The following PIK3CB variants were observed in gnomAD, a reference collection of about 807,000 sequenced individuals.
PIK3CB encodes phosphatidylinositol 4,5-bisphosphate 3-kinase catalytic subunit beta isoform.
A neutral mutation model predicts 136.8 loss-of-function variants in PIK3CB; 39 were observed. The ratio of observed to expected loss-of-function variants is 0.29; its 90% CI spans 0.22 to 0.37. PIK3CB has a LOEUF of 0.37. Ranked by LOEUF, PIK3CB falls within the 10% of genes least tolerant of loss-of-function variation. PIK3CB has a pLI of 1.00. For synonymous variants in PIK3CB, 428 were observed against 436.6 expected, an observed-to-expected ratio of 0.98 and a Z score of 0.25; for missense variants, 868 against 1,275.4, an observed-to-expected ratio of 0.68 and a Z score of 4.87.
chr3:138,705,178 AAACAAAACAAAC>A lies in PIK3CB; in HGVS notation c.1531-697_1531-686del, dbSNP rs1395269845. Reference sequence around the variant, plus strand: ...GGCAAAAAAAAAAAAAAAAAACAAAAAACAAAACAAACAAAAAAAAAAACTTATATTTGCAAA... The same window carrying A: ...GGCAAAAAAAAAAAAAAAAAACAAAAAAAAAAAAAAACTTATATTTGCAAA... On this transcript the variant is annotated intron_variant, in intron 11 of 23. Coordinates refer to ENST00000674063, the MANE Select transcript of PIK3CB (RefSeq NM_006219.3). Among the ~76,000 whole-genome samples, 198 of 86,720 alleles carry A rather than the reference AAACAAAACAAAC, an allele frequency of 2.3e-3. 35 individuals carry two copies. Among genetic ancestry groups the A allele is most frequent in the East Asian group, 0.014 (23 of 1,656 alleles). The allele number at this position is 86,720 out of a possible 152,430, so 56.9% of individuals were successfully genotyped here.
rs1208508186 is a variant in PIK3CB at position 138,653,571 on chromosome 3, A to G, written c.*1818T>C. On this transcript the variant is annotated 3_prime_UTR_variant, in exon 24 of 24. Coordinates refer to ENST00000674063, the MANE Select transcript of PIK3CB (RefSeq NM_006219.3). ...TCATGAAATGGTGGGTGGCTACTAG[A>G]CAAAGATCTCTGAACAAACCTGTCC... 5.4e-6 allele frequency: 1 copy of G among 184,818 alleles called. No homozygotes were observed. The highest frequency in any genetic ancestry group is 2.3e-5 in the African/African-American group (1 of 42,634). The allele number at this position is 184,818 out of a possible 1,614,324, so 11.4% of individuals were successfully genotyped here.
intron 23 of PIK3CB, among the ~76,000 whole-genome samples, 178 bp from the exon 24 acceptor site, chr3:138,655,704 G>A (rs187920367): frequency 6.6e-6 from 1 of 152,238 alleles, no homozygotes; most frequent in East Asian, 1.9e-4. Context: ...GAGATAATAT[G>A]ACTTCTTCCA....
chr3:138,701,511 G>A (rs2044251852), intron 12 of PIK3CB, among the ~76,000 whole-genome samples: 2 of 152,104 alleles, frequency 1.3e-5, no homozygotes, highest in Admixed American at 1.3e-4. Context: ...ATGTGGCCGG[G>A]CGTGGTGGCT....
At chr3:138,691,676 G>GAA (rs1222892570) in intron 14 of PIK3CB, among the ~76,000 whole-genome samples, 1 of 152,164 alleles carries the variant, frequency 6.6e-6, no homozygotes, top group East Asian at 1.9e-4. Flanking sequence ...TAGCCATGTG[G>GAA]AACTGTGAGT....
In PIK3CB at chr3:138,672,090, T is replaced by TG. The variant is rs539336029; in HGVS notation, c.2505-6888dup. Among the ~76,000 whole-genome samples, 98 of 151,554 alleles carry TG rather than the reference T, an allele frequency of 6.5e-4. 2 individuals carry two copies. In the South Asian group the frequency reaches 0.01, roughly 16 times the overall value. On this transcript the variant is annotated intron_variant, in intron 19 of 23. Transcript: ENST00000674063. ...AAAAGGAGAAAAAGGAGAAAAAAAG[T>TG]GGGGGGGTTCTATAAATTAACGAAC...
At chr3:138,825,976 T>C (rs938595854) in intron 1 of PIK3CB, 2 of 1,555,036 alleles carry the variant, frequency 1.3e-6, no homozygotes, top group Admixed American at 1.9e-5. Flanking sequence ...CTCAAGTGAT[T>C]ATCCTGAACC....
chr3:138,764,111 CAAAA>C (rs143635044), intron 2 of PIK3CB, among the ~76,000 whole-genome samples: 1 of 78,996 alleles, frequency 1.3e-5, no homozygotes, highest in African/African-American at 4.6e-5. Context: ...ACTCCATCTC[CAAAA>C]AAAAAAAAAA....
At position 138,654,798 on chromosome 3, in the gene PIK3CB, A is replaced by G. The variant is rs2043164857; in HGVS notation, c.*591T>C. Reference sequence around the variant, plus strand: ...TTGCCTCACCAGTAGATTTTCAGCAAGTCTGGCTGGAATGATGCTATCATG... The same window carrying G: ...TTGCCTCACCAGTAGATTTTCAGCAGGTCTGGCTGGAATGATGCTATCATG... On this transcript the variant is annotated 3_prime_UTR_variant, in exon 24 of 24. Transcript: ENST00000674063. The G allele has an allele frequency of 4.7e-6, 1 of 213,080 alleles. No individual in the cohort carries two copies. The highest frequency in any genetic ancestry group is 1.9e-4 in the South Asian group (1 of 5,350). The allele number at this position is 213,080 out of a possible 1,614,324, so 13.2% of individuals were successfully genotyped here.
chr3:138,824,527 G>A (rs915346400), intron 1 of PIK3CB, among the ~76,000 whole-genome samples: 1 of 152,000 alleles, frequency 6.6e-6, no homozygotes, highest in Admixed American at 6.6e-5. Context: ...GGGCGCGGTG[G>A]CTCATCCCTG....
At chr3:138,739,920 A>T (rs1353525741) in intron 5 of PIK3CB, among the ~76,000 whole-genome samples, 2 of 150,610 alleles carry the variant, frequency 1.3e-5, no homozygotes, top group Non-Finnish European at 3.0e-5. Flanking sequence ...AAAAAAAAAA[A>T]TAAAAGAGAC....
At chr3:138,793,032 A>G (rs753050022) in intron 2 of PIK3CB, among the ~76,000 whole-genome samples, 1 of 152,134 alleles carries the variant, frequency 6.6e-6, no homozygotes, top group South Asian at 2.1e-4. Context: ...TGAGGTTGGG[A>G]TCCTGGGAGA....
intron 1 of PIK3CB, among the ~76,000 whole-genome samples, chr3:138,823,595 C>T (rs1467110316): frequency 2.6e-5 from 4 of 151,992 alleles, no homozygotes; most frequent in East Asian, 1.9e-4. Flanking sequence ...GCCAGCTACT[C>T]GGGAGGCTGA....
In PIK3CB at chr3:138,689,000, C is replaced by T. The variant is rs779741934; in HGVS notation, c.2037-26G>A. On this transcript the variant is annotated intron_variant, in intron 15 of 23. Transcript: ENST00000674063. Reference sequence around the variant, plus strand: ...CTGCAGAAAGTTAATGATATCTGAACAGTTTGTTTATCAAACACTTCAGAT... The same window carrying T: ...CTGCAGAAAGTTAATGATATCTGAATAGTTTGTTTATCAAACACTTCAGAT... The T allele has an allele frequency of 1.4e-5, 20 of 1,402,398 alleles. No homozygotes were observed. In the South Asian group the frequency reaches 2.3e-4, roughly 16 times the overall value. 86.9% of individuals were successfully genotyped at this position (1,402,398 alleles called of 1,614,324 possible).
chr3:138,785,778 C>A (rs558629402), intron 2 of PIK3CB, among the ~76,000 whole-genome samples: 66 of 150,768 alleles, frequency 4.4e-4, no homozygotes, highest in African/African-American at 1.6e-3. Context: ...TATGACCCTG[C>A]CAAATCCCCC....
chr3:138,791,072 G>C, intron 2 of PIK3CB, among the ~76,000 whole-genome samples: 2 of 151,926 alleles, frequency 1.3e-5, no homozygotes. Flanking sequence ...ACCTCCCTGT[G>C]GTGTTCAAAA....
At chr3:138,744,392 C>CAAAAAAAA (rs60503033) in intron 4 of PIK3CB, among the ~76,000 whole-genome samples, 7,199 of 45,098 alleles carry the variant, frequency 0.16, 3,216 homozygotes, top group South Asian at 0.21. Context: ...GAGACTCCCC[C>CAAAAAAAA]AAAAAAAAAA....
chr3:138,734,841 T>G, intron 6 of PIK3CB, 37 bp from the exon 7 acceptor site: 1 of 1,421,324 alleles, frequency 7.0e-7, no homozygotes, highest in Non-Finnish European at 9.7e-7. Context: ...TTGATTTTCA[T>G]GCCAACACCT....
chr3:138,705,199 A>AAAAAAAAAAAAAAAAAAAAAAAAAT, intron 11 of PIK3CB, among the ~76,000 whole-genome samples: 1 of 143,260 alleles, frequency 7.0e-6, no homozygotes, highest in Non-Finnish European at 1.5e-5. Context: ...ACAAAAAAAA[A>AAAAAAAAAAAAAAAAAAAAAAAAAT]AACTTATATT....
chr3:138,745,765 G>A (rs1220415605), intron 4 of PIK3CB, among the ~76,000 whole-genome samples: 1 of 152,178 alleles, frequency 6.6e-6, no homozygotes, highest in East Asian at 1.9e-4. Context: ...GGCAGCTGGT[G>A]TTTCTTTTTC....
Sources: gnomAD v4.1 joint callset for allele counts (sites outside exome capture counted in the v4.1 genomes callset) on GRCh38, gnomAD v4.1.1 for gene constraint, MANE v1.5 for transcripts, NCBI Gene and HGNC (gene_info 2026-07-23, HGNC 2026-07-21) for gene names.